The following UBE2E3 variants were observed in gnomAD, a reference collection of about 807,000 sequenced individuals.
UBE2E3 encodes ubiquitin-conjugating enzyme E2 E3.
UBE2E3 carries 5 observed loss-of-function variants against 23.6 expected under a neutral mutation model. The ratio of observed to expected loss-of-function variants is 0.21; its 90% CI spans 0.11 to 0.44. The LOEUF (loss-of-function observed/expected upper bound fraction) is 0.44, where lower values mean the gene tolerates loss of function less well. Ranked by LOEUF, UBE2E3 falls within the 20% of genes least tolerant of loss-of-function variation. The pLI is 0.99. For missense variants in UBE2E3, 81 were observed against 249.8 expected (o/e 0.32, Z 4.55); for synonymous variants, 78 against 87.5 (o/e 0.89, Z 0.60).
chr2:180,981,047 C>T (rs1031379059), intron 1 of UBE2E3, 74 bp downstream of exon 1: 15 of 145,958 alleles, frequency 1.0e-4, no homozygotes, highest in Admixed American at 1.0e-3. Flanking sequence ...GGGGCGGGGG[C>T]GGGCAGCTTT....
At chr2:180,985,224 T>A (rs1251093078) in intron 3 of UBE2E3, among the ~76,000 whole-genome samples, 3 of 152,158 alleles carry the variant, frequency 2.0e-5, no homozygotes, top group Non-Finnish European at 4.4e-5. Context: ...GTAAACTAAT[T>A]TTAAGGAGAT....
intron 3 of UBE2E3, among the ~76,000 whole-genome samples, chr2:181,011,018 T>C (rs531053207): frequency 6.8e-4 from 103 of 152,164 alleles, no homozygotes; most frequent in African/African-American, 2.0e-3. Flanking sequence ...CACAGACTTA[T>C]CTAATATAAG....
chr2:181,049,642 T>C (rs1279039512), intron 3 of UBE2E3, among the ~76,000 whole-genome samples: 1 of 152,040 alleles, frequency 6.6e-6, no homozygotes, highest in Non-Finnish European at 1.5e-5. Context: ...AGAAAGACTA[T>C]ATGGTAATTA....
chr2:180,987,683 G>A (rs1334032086), intron 3 of UBE2E3, among the ~76,000 whole-genome samples: 1 of 152,098 alleles, frequency 6.6e-6, no homozygotes, highest in African/African-American at 2.4e-5. Flanking sequence ...AAAAGAAGCA[G>A]TTGTTTCTAA....
chr2:181,060,926 T>A (rs1005345000), intron 5 of UBE2E3, 114 bp downstream of exon 5: 3 of 1,063,154 alleles, frequency 2.8e-6, no homozygotes, highest in Non-Finnish European at 3.8e-6. Flanking sequence ...TAAATGTTAT[T>A]CATAGAAAGA....
chr2:181,028,589 T>C (rs919141467), intron 3 of UBE2E3, among the ~76,000 whole-genome samples: 2 of 152,258 alleles, frequency 1.3e-5, no homozygotes, highest in African/African-American at 4.8e-5. Context: ...TGATTTTTCC[T>C]AATCTATGGG....
intron 1 of UBE2E3, among the ~76,000 whole-genome samples, chr2:180,981,772 G>A (rs1466636677): frequency 6.6e-6 from 1 of 152,206 alleles, no homozygotes; most frequent in Non-Finnish European, 1.5e-5. Context: ...ACAATTGATA[G>A]ATTGTCCAAG....
chr2:181,046,827 T>C (rs917377411), intron 3 of UBE2E3, among the ~76,000 whole-genome samples: 18 of 152,170 alleles, frequency 1.2e-4, no homozygotes, highest in Non-Finnish European at 2.2e-4. Context: ...TTAGATTTTA[T>C]TCTGTAGTGC....
chr2:181,005,399 G>A (rs1685120979), intron 3 of UBE2E3, among the ~76,000 whole-genome samples: 1 of 152,078 alleles, frequency 6.6e-6, no homozygotes, highest in South Asian at 2.1e-4. Context: ...TTCATGCCTA[G>A]GCCACTGCTC....
At chr2:180,989,610 G>A (rs180857202) in intron 3 of UBE2E3, among the ~76,000 whole-genome samples, 1 of 152,090 alleles carries the variant, frequency 6.6e-6, no homozygotes, top group Non-Finnish European at 1.5e-5. Flanking sequence ...TCAGTACTCT[G>A]TGTGACTGGA....
chr2:180,996,450 A>G (rs1024657642), intron 3 of UBE2E3, among the ~76,000 whole-genome samples: 1 of 152,198 alleles, frequency 6.6e-6, no homozygotes, highest in South Asian at 2.1e-4. Context: ...ATTTGTCACA[A>G]TAATTGAACT....
intron 4 of UBE2E3, among the ~76,000 whole-genome samples, chr2:181,058,608 T>A (rs1687048626): frequency 6.6e-6 from 1 of 151,768 alleles, no homozygotes; most frequent in Admixed American, 6.6e-5. Flanking sequence ...TATTTTCAAG[T>A]CCATAGCCCT....
intron 2 of UBE2E3, among the ~76,000 whole-genome samples, chr2:180,983,048 T>C (rs556212650): frequency 1.3e-5 from 2 of 152,346 alleles, no homozygotes; most frequent in South Asian, 2.1e-4. Flanking sequence ...GAGACTCTTA[T>C]CAGTGGTAGT....
chr2:181,000,504 T>G (rs140816544), intron 3 of UBE2E3, among the ~76,000 whole-genome samples: 1 of 152,190 alleles, frequency 6.6e-6, no homozygotes, highest in Non-Finnish European at 1.5e-5. Context: ...GTATAAATGG[T>G]ATCCCCTGAG....
chr2:180,996,756 C>T (rs1046305845), intron 3 of UBE2E3, among the ~76,000 whole-genome samples: 1 of 152,106 alleles, frequency 6.6e-6, no homozygotes, highest in African/African-American at 2.4e-5. Context: ...TTTTATATAG[C>T]ATTACTTTGA....
chr2:180,984,909 T>C (rs1448558072), intron 3 of UBE2E3, among the ~76,000 whole-genome samples: 2 of 152,086 alleles, frequency 1.3e-5, no homozygotes, highest in Non-Finnish European at 2.9e-5. Context: ...GAAAACAATA[T>C]TGTAGATAGT....
intron 3 of UBE2E3, among the ~76,000 whole-genome samples, chr2:181,034,021 G>C (rs964799554): frequency 6.6e-6 from 1 of 152,150 alleles, no homozygotes. Flanking sequence ...AAAAAGTCAG[G>C]AAACAACAGG....
chr2:180,987,859 A>T (rs1428560194), intron 3 of UBE2E3, among the ~76,000 whole-genome samples: 1 of 152,052 alleles, frequency 6.6e-6, no homozygotes, highest in Non-Finnish European at 1.5e-5. Flanking sequence ...GTCACAGATG[A>T]GGTTGTTAGA....
At chr2:181,024,164 C>T (rs1685801645) in intron 3 of UBE2E3, among the ~76,000 whole-genome samples, 1 of 152,046 alleles carries the variant, frequency 6.6e-6, no homozygotes, top group African/African-American at 2.4e-5. Context: ...ATTGAGTCCC[C>T]AAAGGATTTT....
Sources: allele counts gnomAD v4.1 joint callset (sites outside exome capture counted in the v4.1 genomes callset), GRCh38; gene constraint gnomAD v4.1.1; transcripts MANE v1.5; gene names NCBI Gene and HGNC (gene_info 2026-07-23, HGNC 2026-07-21).